ATXN1: variants seen among roughly 807,000 people sequenced by gnomAD.
The protein encoded by ATXN1 is ataxin-1.
Under a neutral mutation model 56.4 loss-of-function variants are expected in ATXN1, and 8 were observed. The ratio of observed to expected loss-of-function variants is 0.14; its 90% CI spans 0.08 to 0.26. The LOEUF (loss-of-function observed/expected upper bound fraction) is 0.26, where lower values mean the gene tolerates loss of function less well. Ranked by LOEUF, ATXN1 falls within the 10% of genes least tolerant of loss-of-function variation. The pLI is 1.00. For synonymous variants in ATXN1, 514 were observed against 494.6 expected (o/e 1.04, Z -0.52); for missense variants, 987 against 1,106.5 (o/e 0.89, Z 1.53).
intron 2 of ATXN1, among the ~76,000 whole-genome samples, chr6:16,684,847 G>C (rs550547195): frequency 2.9e-5 from 4 of 136,796 alleles, no homozygotes; most frequent in African/African-American, 1.1e-4. Flanking sequence ...CTTAAATTAG[G>C]GCTGGTTTTT....
intron 6 of ATXN1, among the ~76,000 whole-genome samples, chr6:16,359,989 C>T (rs1202766071): frequency 6.6e-6 from 1 of 152,016 alleles, no homozygotes. Context: ...GTGATGGCTG[C>T]ACCGAAAATC....
At chr6:16,368,732 A>C (rs1761980975) in intron 6 of ATXN1, among the ~76,000 whole-genome samples, 1 of 152,258 alleles carries the variant, frequency 6.6e-6, no homozygotes. Context: ...AGTAATGAAC[A>C]GACTTGAGAA....
intron 6 of ATXN1, among the ~76,000 whole-genome samples, chr6:16,430,841 G>C (rs188977320): frequency 2.0e-5 from 3 of 152,022 alleles, no homozygotes; most frequent in African/African-American, 7.3e-5. Flanking sequence ...GGAGTACTGC[G>C]TACATCCAAG....
At chr6:16,699,681 G>A (rs1461836940) in intron 2 of ATXN1, among the ~76,000 whole-genome samples, 1 of 152,172 alleles carries the variant, frequency 6.6e-6, no homozygotes, top group Non-Finnish European at 1.5e-5. Flanking sequence ...AAGGTGATAA[G>A]AAGAAAAAGA....
chr6:16,658,128 G>T (rs1220087430), intron 2 of ATXN1, among the ~76,000 whole-genome samples: 2 of 152,054 alleles, frequency 1.3e-5, no homozygotes, highest in Non-Finnish European at 2.9e-5. Context: ...AAAAAAACAA[G>T]CATGACACTG....
In ATXN1 at chr6:16,592,082, C is replaced by T. The variant is rs144760970; in HGVS notation, c.-488-6175G>A. On this transcript the variant is annotated intron_variant, in intron 3 of 7. Transcript: ENST00000436367. ...TCCATGCACTCATTTAATGGAAATC[C>T]GGAGTAAGACTCAACCTCCCCACCA... Among the ~76,000 whole-genome samples the T allele has an allele frequency of 1.5e-3, 224 of 152,076 alleles. 1 individual carries two copies. Among genetic ancestry groups the T allele is most frequent in the African/African-American group, 5.2e-3 (215 of 41,464 alleles).
At chr6:16,723,041 T>C (rs746142471) in intron 2 of ATXN1, among the ~76,000 whole-genome samples, 10 of 152,234 alleles carry the variant, frequency 6.6e-5, no homozygotes, top group Non-Finnish European at 1.5e-4. Flanking sequence ...TTAAGTACTA[T>C]TGGTATGCTA....
At chr6:16,483,530 C>T (rs780934443) in intron 6 of ATXN1, among the ~76,000 whole-genome samples, 11 of 152,120 alleles carry the variant, frequency 7.2e-5, no homozygotes, top group African/African-American at 2.4e-4. Flanking sequence ...ACTAGGAACC[C>T]CCCACTGCCC....
At chr6:16,552,799 T>C (rs1354063604) in intron 4 of ATXN1, among the ~76,000 whole-genome samples, 1 of 152,208 alleles carries the variant, frequency 6.6e-6, no homozygotes, top group Non-Finnish European at 1.5e-5. Context: ...TCCATGTCAA[T>C]GATGTTCAGC....
At chr6:16,709,335 T>G (rs1561817555) in intron 2 of ATXN1, among the ~76,000 whole-genome samples, 1 of 151,940 alleles carries the variant, frequency 6.6e-6, no homozygotes, top group Non-Finnish European at 1.5e-5. Flanking sequence ...AAAAACTTCT[T>G]GAAAAATAGA....
chr6:16,327,724 T>TGCTGCTGCTGCTGCTGCTGCTG lies in ATXN1; in HGVS notation c.586_587insCAGCAGCAGCAGCAGCAGCAGC (p.Glu196AlafsTer122). 1.2e-6 allele frequency: 2 copies of TGCTGCTGCTGCTGCTGCTGCTG among 1,606,724 alleles called. No homozygotes were observed. Among genetic ancestry groups the TGCTGCTGCTGCTGCTGCTGCTG allele is most frequent in the Non-Finnish European group, 1.7e-6 (2 of 1,179,644 alleles). Reference sequence around the variant, plus strand: ...CTGCTGCTGCTGCTGCTGCTGCTGCTCAGCCTTGTGTCCCGGCGTCTGGCT... The same window carrying TGCTGCTGCTGCTGCTGCTGCTG: ...CTGCTGCTGCTGCTGCTGCTGCTGCTGCTGCTGCTGCTGCTGCTGCTGCAGCCTTGTGTCCCGGCGTCTGGCT... On this transcript the variant is annotated frameshift_variant, in exon 7 of 8. Transcript: ENST00000436367. LOFTEE classifies it high-confidence loss of function.
chr6:16,320,650 C>A (rs143101211), intron 7 of ATXN1, among the ~76,000 whole-genome samples: 3 of 152,232 alleles, frequency 2.0e-5, no homozygotes, highest in South Asian at 2.1e-4. Context: ...GCTGTCCCAG[C>A]GGGCACGTCA....
chr6:16,330,390 C>CTT (rs60608169), intron 6 of ATXN1, among the ~76,000 whole-genome samples: 1,405 of 119,794 alleles, frequency 0.012, 22 homozygotes, highest in Non-Finnish European at 0.016. Flanking sequence ...TCCTTCCTTC[C>CTT]TTTTTTTTTT....
chr6:16,505,551 A>C (rs1760968343), intron 5 of ATXN1, among the ~76,000 whole-genome samples: 1 of 152,184 alleles, frequency 6.6e-6, no homozygotes, highest in South Asian at 2.1e-4. Context: ...GAGATTTTGA[A>C]ATTTCCCCTT....
chr6:16,343,535 C>T lies in ATXN1; in HGVS notation c.-160-15065G>A, dbSNP rs550042271. 5.3e-5 allele frequency among the ~76,000 whole-genome samples: 8 copies of T among 152,190 alleles called. 1 individual carries two copies. The highest frequency in any genetic ancestry group is 7.4e-5 in the Non-Finnish European group (5 of 68,012). The stretch of plus-strand genomic sequence containing the variant: ...TCCTTTAAGCCCTTAAAGCTGTATG[C>T]CCTTTCTCACATCCGCAAAGGGGAC... On this transcript the variant is annotated intron_variant, in intron 6 of 7. Coordinates refer to ENST00000436367, the MANE Select transcript of ATXN1 (RefSeq NM_001128164.2).
intron 6 of ATXN1, among the ~76,000 whole-genome samples, chr6:16,473,886 CTT>C (rs1017551996): frequency 6.6e-6 from 1 of 152,178 alleles, no homozygotes; most frequent in African/African-American, 2.4e-5. Context: ...TGGGTCATCT[CTT>C]TGGAAACTTC....
chr6:16,639,611 G>A (rs1360689233), intron 3 of ATXN1, among the ~76,000 whole-genome samples: 1 of 146,508 alleles, frequency 6.8e-6, no homozygotes, highest in Non-Finnish European at 1.5e-5. Flanking sequence ...ATTGCGCCCG[G>A]CCCCTGGGTT....
chr6:16,635,500 T>C (rs1486753582), intron 3 of ATXN1, among the ~76,000 whole-genome samples: 5 of 152,104 alleles, frequency 3.3e-5, no homozygotes, highest in Admixed American at 1.3e-4. Context: ...TCTTACACAC[T>C]GCCCAGAAAC....
intron 6 of ATXN1, among the ~76,000 whole-genome samples, chr6:16,331,331 T>C (rs1463019168): frequency 7.9e-5 from 12 of 152,242 alleles, no homozygotes; most frequent in African/African-American, 2.4e-5. Flanking sequence ...GACAAATAAC[T>C]GTGTTCTGTA....
Sources: allele counts gnomAD v4.1 joint callset (sites outside exome capture counted in the v4.1 genomes callset), GRCh38; gene constraint gnomAD v4.1.1; transcripts MANE v1.5; gene names NCBI Gene and HGNC (gene_info 2026-07-23, HGNC 2026-07-21).